IST1: variants seen among roughly 807,000 people sequenced by gnomAD.
IST1 encodes the protein IST1 factor associated with ESCRT-III, also known as IST1 homolog.
A neutral mutation model predicts 37.0 loss-of-function variants in IST1; 23 were observed. The ratio of observed to expected loss-of-function variants is 0.62; its 90% CI spans 0.45 to 0.88. The LOEUF is 0.88. IST1 is among the 40% of genes least tolerant of loss of function. The pLI, the probability that IST1 is intolerant of heterozygous loss-of-function variation, is 0.00. For synonymous variants in IST1, 180 were observed against 161.7 expected (o/e 1.11, Z -0.86); for missense variants, 488 against 445.4 (o/e 1.10, Z -0.86).
rs996185186 is a variant in IST1 at position 71,929,244 on chromosome 16, G to T, written c.*1431G>T. 9 of 240,476 alleles carry T rather than the reference G, an allele frequency of 3.7e-5. No individual in the cohort carries two copies. The Admixed American group carries it at 4.5e-4, about 12-fold the overall frequency. 14.9% of individuals were successfully genotyped at this position (240,476 alleles called of 1,614,324 possible). ...CCTCATCCTTGGATGTTTATTTTTA[G>T]TAAGTTGCAGTGAGCTCACTTCTGA... On this transcript the variant is annotated 3_prime_UTR_variant, in exon 10 of 10. Transcript: ENST00000378799.
chr16:71,915,517 G>A (rs772569289), intron 1 of IST1, 109 bp from the exon 2 acceptor site: 3 of 666,420 alleles, frequency 4.5e-6, no homozygotes, highest in Non-Finnish European at 7.6e-6. Flanking sequence ...TCATTTTCCT[G>A]TATTAGAAAA....
chr16:71,922,886 G>A (rs1191867547), intron 7 of IST1: 1 of 600,182 alleles, frequency 1.7e-6, no homozygotes, highest in East Asian at 2.8e-5. Context: ...CTATAGAGTT[G>A]GTGCTAGAAA....
chr16:71,894,785 C>T (rs560396870), upstream of IST1: 3 of 1,452,698 alleles, frequency 2.1e-6, no homozygotes, highest in African/African-American at 2.8e-5. Context: ...ATCCTCCCGC[C>T]CCGCCTCTCA....
At position 71,930,318 on chromosome 16, in the gene IST1, GATA is replaced by G. The variant is rs1241800168; in HGVS notation, c.*2510_*2512del. On this transcript the variant is annotated 3_prime_UTR_variant, in exon 10 of 10. Coordinates refer to ENST00000378799, the MANE Select transcript of IST1 (RefSeq NM_001270975.2). ...AGGAAACTTAGGGAGAGAGTCAAAA[GATA>G]ATAAGAAGGAAAATACTTTTAAATG... The G allele has an allele frequency of 2.1e-5, 18 of 871,992 alleles. No individual in the cohort carries two copies. Among genetic ancestry groups the G allele is most frequent in the East Asian group, 2.9e-5 (1 of 34,812 alleles). The allele number at this position is 871,992 out of a possible 1,614,324, so 54.0% of individuals were successfully genotyped here. A position where few individuals can be genotyped will look rare whatever the true frequency, so the allele number is the denominator to read the frequency against.
At chr16:71,924,561 A>C (rs1428309780) in intron 8 of IST1, 5 of 598,104 alleles carry the variant, frequency 8.4e-6, no homozygotes, top group Non-Finnish European at 1.5e-5. Flanking sequence ...ACTGCACTCC[A>C]GCCTGGGTGA....
intron 9 of IST1, among the ~76,000 whole-genome samples, chr16:71,927,086 G>A (rs993188158): frequency 2.0e-5 from 3 of 152,160 alleles, no homozygotes; most frequent in African/African-American, 7.2e-5. Flanking sequence ...GTGGCCCCAT[G>A]TATCCCACTT....
chr16:71,904,506 G>T (rs1208459460), intron 1 of IST1, among the ~76,000 whole-genome samples: 1 of 152,136 alleles, frequency 6.6e-6, no homozygotes, highest in African/African-American at 2.4e-5. Flanking sequence ...TTGACCTCCT[G>T]GGCTTAAGCA....
rs964200866 is a variant in IST1, at chr16:71,915,480, T to C, written c.-15-146T>C. 5.3e-6 allele frequency: 3 copies of C among 565,274 alleles called. No individual in the cohort carries two copies. The East Asian group carries it at 9.5e-5, about 18-fold the overall frequency. 35.0% of individuals were successfully genotyped at this position (565,274 alleles called of 1,614,324 possible). On this transcript the variant is annotated intron_variant, in intron 1 of 9. Coordinates refer to ENST00000378799, the MANE Select transcript of IST1 (RefSeq NM_001270975.2). ...GTTTTTTTTACAACAGCCAAAACAA[T>C]CTGTAAAAAATGTGAATTAGATCAT...
At chr16:71,895,873 C>T (rs1482812898) in intron 1 of IST1, among the ~76,000 whole-genome samples, 2 of 152,240 alleles carry the variant, frequency 1.3e-5, no homozygotes, top group East Asian at 3.9e-4. Context: ...TAACTTTCCC[C>T]TAGTCTTCCT....
At position 71,930,137 on chromosome 16, in the gene IST1, C is replaced by A. The variant is rs887481937; in HGVS notation, c.*2324C>A. 6.4e-7 allele frequency: 1 copy of A among 1,551,468 alleles called. No homozygotes were observed. Among genetic ancestry groups the A allele is most frequent in the African/African-American group, 1.4e-5 (1 of 73,026 alleles). On this transcript the variant is annotated 3_prime_UTR_variant, in exon 10 of 10. Coordinates refer to ENST00000378799, the MANE Select transcript of IST1 (RefSeq NM_001270975.2). ...TACCACAAGTACCATCAAGATGACA[C>A]TGGTGAGGATCAGAAAGGTGCCCAG...
rs1312307996 is a variant in IST1, at chr16:71,927,910, A to C, written c.*97A>C. On this transcript the variant is annotated 3_prime_UTR_variant, in exon 10 of 10. Transcript: ENST00000378799. ...TCCATGAAATTCTGTTTCATCTGTT[A>C]ACCGTCACTCAGCACAACACTCCCT... The C allele has an allele frequency of 1.1e-6, 1 of 875,910 alleles. No individual in the cohort carries two copies. The highest frequency in any genetic ancestry group is 2.4e-5 in the East Asian group (1 of 41,352). 54.3% of individuals were successfully genotyped at this position (875,910 alleles called of 1,614,324 possible).
chr16:71,895,505 G>T, upstream of IST1: 2 of 985,798 alleles, frequency 2.0e-6, no homozygotes, highest in South Asian at 4.7e-5. Flanking sequence ...GCCCGCGCTT[G>T]TTGTGCTGAG....
At chr16:71,924,497 G>C (rs548321128) in intron 8 of IST1, 35 of 545,932 alleles carry the variant, frequency 6.4e-5, no homozygotes, top group Non-Finnish European at 1.0e-4. Flanking sequence ...AGGCTGAGGC[G>C]GGGCAATGGC....
At position 71,930,391 on chromosome 16, in the gene IST1, T is replaced by C. The variant is rs1227187326; in HGVS notation, c.*2578T>C. 2.0e-5 allele frequency: 8 copies of C among 409,516 alleles called. No homozygotes were observed. Among genetic ancestry groups the C allele is most frequent in the Non-Finnish European group, 3.0e-5 (7 of 236,818 alleles). The allele number at this position is 409,516 out of a possible 1,614,324, so 25.4% of individuals were successfully genotyped here. A position where few individuals can be genotyped will look rare whatever the true frequency, so the allele number is the denominator to read the frequency against. The stretch of plus-strand genomic sequence containing the variant: ...CTCATTTTAAGGAGGTTAAGATAAT[T>C]GTGACTGCAGGGCTTTCACAAGAAA... On this transcript the variant is annotated 3_prime_UTR_variant, in exon 10 of 10. Transcript: ENST00000378799.
intron 9 of IST1, among the ~76,000 whole-genome samples, chr16:71,925,664 T>TA (rs2037725199): frequency 6.6e-6 from 1 of 151,700 alleles, no homozygotes; most frequent in Non-Finnish European, 1.5e-5. Flanking sequence ...ACCACTCAAT[T>TA]AAAAAAGTAC....
intron 1 of IST1, chr16:71,903,186 G>T (rs1299267806): frequency 1.3e-5 from 2 of 152,098 alleles, no homozygotes; most frequent in African/African-American, 4.8e-5. Flanking sequence ...TTGCTACATT[G>T]TCCAAGCTGG....
At chr16:71,924,136 T>A (rs2037679914) in intron 8 of IST1, 1 of 455,988 alleles carries the variant, frequency 2.2e-6, no homozygotes, top group Non-Finnish European at 4.4e-6. Flanking sequence ...TGCTTTGGTT[T>A]TGCATGCGTC....
Position 71,927,934 on chromosome 16 carries a change from C to CT in IST1, c.*122dup. ...TAACCGTCACTCAGCACAACACTCC[C>CT]TCTGGGCTCTCTTCCTGCTCCTCCA... On this transcript the variant is annotated 3_prime_UTR_variant, in exon 10 of 10. Transcript: ENST00000378799. 1 of 698,004 alleles carries CT rather than the reference C, an allele frequency of 1.4e-6. No homozygotes were observed. The highest frequency in any genetic ancestry group is 2.5e-6 in the Non-Finnish European group (1 of 401,800). 43.2% of individuals were successfully genotyped at this position (698,004 alleles called of 1,614,324 possible). A position where few individuals can be genotyped will look rare whatever the true frequency, so the allele number is the denominator to read the frequency against.
At position 71,916,598 on chromosome 16, in the gene IST1, C is replaced by T; in HGVS notation, c.225C>T (p.Tyr75=). The change falls in exon 3 of 10, where the codon TAC becomes TAT. Residue 75 remains tyrosine, a synonymous_variant. Transcript: ENST00000378799. ...AGGCCATGGAGATCCTGGAGCTGTA[C>T]TGTGACCTGCTGCTGGCTCGGTTTG... ...LVEAMEILEL[Y]CDLLLARFGL... is the part of the protein sequence containing the mutation. The T allele has an allele frequency of 1.9e-6, 3 of 1,614,088 alleles. 1 individual carries two copies. Among genetic ancestry groups the T allele is most frequent in the South Asian group, 2.2e-5 (2 of 91,084 alleles).
Sources: allele counts gnomAD v4.1 joint callset (sites outside exome capture counted in the v4.1 genomes callset), GRCh38; gene constraint gnomAD v4.1.1; transcripts MANE v1.5; gene names NCBI Gene and HGNC (gene_info 2026-07-23, HGNC 2026-07-21).